The following SDK1 variants were observed in gnomAD, a reference collection of about 807,000 sequenced individuals.
SDK1 encodes the protein protein sidekick-1.
A neutral mutation model predicts 245.5 loss-of-function variants in SDK1; 157 were observed. The observed-to-expected ratio is 0.64, with a 90% CI of 0.56 to 0.73. The LOEUF is 0.73. Among genes scored for constraint, SDK1 ranks in the 30% least tolerant of loss-of-function variants. The pLI is 0.00. For synonymous variants in SDK1, 1,647 were observed against 1,278.5 expected, an observed-to-expected ratio of 1.29 and a Z score of -6.15; for missense variants, 3,583 against 3,002.3, an observed-to-expected ratio of 1.19 and a Z score of -4.52.
rs140866910 is a variant in SDK1 at position 4,125,766 on chromosome 7, T to G, written c.3824-1615T>G. 7.2e-5 allele frequency among the ~76,000 whole-genome samples: 11 copies of G among 152,310 alleles called. No homozygotes were observed. In the East Asian group the frequency reaches 2.1e-3, roughly 29 times the overall value. On this transcript the variant is annotated intron_variant, in intron 25 of 44. Coordinates refer to ENST00000404826, the MANE Select transcript of SDK1 (RefSeq NM_152744.4). ...TGGTCATAGCATCCTCCTTTCACTT[T>G]CTTCAAAACAACTAGCTATTGATCA...
At chr7:3,535,542 C>T (rs1466508672) in intron 1 of SDK1, among the ~76,000 whole-genome samples, 3 of 152,088 alleles carry the variant, frequency 2.0e-5, no homozygotes, top group Non-Finnish European at 4.4e-5. Flanking sequence ...CTTATGCAGG[C>T]TTCTTAACTT....
chr7:4,012,549 C>CTTTTTTTTTTTTTTTTTTTTT lies in SDK1; in HGVS notation c.2420+337_2420+357dup, dbSNP rs777199429. Among the ~76,000 whole-genome samples the CTTTTTTTTTTTTTTTTTTTTT allele has an allele frequency of 6.5e-4, 17 of 25,986 alleles. 6 individuals are homozygous for CTTTTTTTTTTTTTTTTTTTTT. The highest frequency in any genetic ancestry group is 1.9e-3 in the South Asian group (1 of 514). 17.0% of individuals were successfully genotyped at this position (25,986 alleles called of 152,430 possible). A position where few individuals can be genotyped will look rare whatever the true frequency, so the allele number is the denominator to read the frequency against. On this transcript the variant is annotated intron_variant, in intron 16 of 44. Transcript: ENST00000404826. ...GCAAGGTATATTGTTCAATGTGAAGCTTTTTTTTTTTTTTTTTTTTTTTTT... is the reference window on the plus strand; with the variant it reads ...GCAAGGTATATTGTTCAATGTGAAGCTTTTTTTTTTTTTTTTTTTTTTTTTTTTTTTTTTTTTTTTTTTTTT...
chr7:3,981,834 A>C (rs1041440014), intron 13 of SDK1, among the ~76,000 whole-genome samples: 9 of 152,364 alleles, frequency 5.9e-5, no homozygotes, highest in African/African-American at 2.2e-4. Flanking sequence ...CGTCCCCATA[A>C]CATAAAAGTA....
chr7:3,868,310 G>C (rs1360350236), intron 5 of SDK1, among the ~76,000 whole-genome samples: 2 of 152,158 alleles, frequency 1.3e-5, no homozygotes, highest in African/African-American at 4.8e-5. Flanking sequence ...TGAGCTGGGA[G>C]GATTTGTCTC....
chr7:3,834,661 T>C (rs1276912942), intron 5 of SDK1, among the ~76,000 whole-genome samples: 2 of 152,178 alleles, frequency 1.3e-5, no homozygotes, highest in African/African-American at 4.8e-5. Context: ...AGACTCTGCA[T>C]TTAATACAAC....
chr7:3,966,769 T>G (rs1272572576), intron 9 of SDK1, among the ~76,000 whole-genome samples: 1 of 152,132 alleles, frequency 6.6e-6, no homozygotes, highest in Non-Finnish European at 1.5e-5. Flanking sequence ...CACTGCAGCC[T>G]CAGCCTCCTG....
intron 1 of SDK1, among the ~76,000 whole-genome samples, chr7:3,527,882 G>C (rs1011402066): frequency 6.6e-6 from 1 of 150,462 alleles, no homozygotes; most frequent in African/African-American, 2.4e-5. Flanking sequence ...GTCAGCTAGA[G>C]AGTGAATGGT....
At chr7:3,318,233 A>G (rs1240073930) in intron 1 of SDK1, among the ~76,000 whole-genome samples, 1 of 152,208 alleles carries the variant, frequency 6.6e-6, no homozygotes, top group African/African-American at 2.4e-5. Flanking sequence ...ACACACAGAA[A>G]ATAAGCTTTA....
intron 1 of SDK1, among the ~76,000 whole-genome samples, chr7:3,491,968 T>C (rs1781875740): frequency 6.6e-6 from 1 of 152,180 alleles, no homozygotes; most frequent in Non-Finnish European, 1.5e-5. Flanking sequence ...TAAAACATCA[T>C]TTAAAATCGT....
Position 3,598,030 on chromosome 7 carries a change from T to A in SDK1, c.299-21050T>A, listed in dbSNP as rs146205563. Among the ~76,000 whole-genome samples, 3 of 152,358 alleles carry A rather than the reference T, an allele frequency of 2.0e-5. No homozygotes were observed. The East Asian group carries it at 5.8e-4, about 29-fold the overall frequency. ...TTGTAAAGCCTTTTTCTAAAGTGGTTGTACCATTTTTACATGTTCACCAGT... is the reference window on the plus strand; with the variant it reads ...TTGTAAAGCCTTTTTCTAAAGTGGTAGTACCATTTTTACATGTTCACCAGT... On this transcript the variant is annotated intron_variant, in intron 1 of 44. Transcript: ENST00000404826.
intron 1 of SDK1, among the ~76,000 whole-genome samples, chr7:3,589,592 C>G (rs1056135711): frequency 1.1e-4 from 17 of 152,154 alleles, no homozygotes; most frequent in African/African-American, 3.4e-4. Flanking sequence ...CTGGGGAGGC[C>G]TCACAATCAT....
At chr7:3,490,926 TTC>T (rs1366923578) in intron 1 of SDK1, among the ~76,000 whole-genome samples, 1 of 152,208 alleles carries the variant, frequency 6.6e-6, no homozygotes, top group Non-Finnish European at 1.5e-5. Flanking sequence ...GCAAACTAGT[TTC>T]TGTTAGGCAT....
chr7:3,526,448 T>C (rs1322264535), intron 1 of SDK1, among the ~76,000 whole-genome samples: 1 of 152,204 alleles, frequency 6.6e-6, no homozygotes, highest in Non-Finnish European at 1.5e-5. Flanking sequence ...TAGATTGGAA[T>C]TGTGTCAGCT....
intron 4 of SDK1, among the ~76,000 whole-genome samples, chr7:3,713,574 A>G (rs1235412406): frequency 6.6e-6 from 1 of 152,176 alleles, no homozygotes; most frequent in Admixed American, 6.5e-5. Context: ...AGACTTCAGT[A>G]TTTATACCTG....
intron 1 of SDK1, among the ~76,000 whole-genome samples, chr7:3,400,591 C>A (rs1368757782): frequency 1.3e-5 from 2 of 151,932 alleles, no homozygotes; most frequent in Non-Finnish European, 2.9e-5. Flanking sequence ...AAACATAAAA[C>A]TATAAAAAGT....
chr7:4,010,294 C>T (rs770307117), intron 14 of SDK1, among the ~76,000 whole-genome samples: 2 of 152,222 alleles, frequency 1.3e-5, no homozygotes, highest in Non-Finnish European at 2.9e-5. Flanking sequence ...AAAATCCACG[C>T]AAGGGTGTAG....
chr7:3,446,983 G>A (rs1234988051), intron 1 of SDK1, among the ~76,000 whole-genome samples: 1 of 152,114 alleles, frequency 6.6e-6, no homozygotes. Flanking sequence ...CTGGAGATAC[G>A]ATGAAGCAAT....
rs1265112679 is a variant in SDK1, at chr7:3,603,089, G to T, written c.299-15991G>T. On this transcript the variant is annotated intron_variant, in intron 1 of 44. Coordinates refer to ENST00000404826, the MANE Select transcript of SDK1 (RefSeq NM_152744.4). ...ATGCTGTTTTGGTTACTGTAGCCTTGTAGTATAGTTTGAAGTCAGGTAGCG... is the reference window on the plus strand; with the variant it reads ...ATGCTGTTTTGGTTACTGTAGCCTTTTAGTATAGTTTGAAGTCAGGTAGCG... 9.2e-5 allele frequency among the ~76,000 whole-genome samples: 14 copies of T among 151,636 alleles called. No individual in the cohort carries two copies. In the South Asian group the frequency reaches 1.7e-3, roughly 18 times the overall value.
chr7:3,401,563 C>G (rs1478888283), intron 1 of SDK1, among the ~76,000 whole-genome samples: 2 of 152,122 alleles, frequency 1.3e-5, no homozygotes, highest in East Asian at 3.9e-4. Flanking sequence ...CCAGGTGAGT[C>G]TTGAAGAGGC....
Sources: gnomAD v4.1 joint callset for allele counts (sites outside exome capture counted in the v4.1 genomes callset) on GRCh38, gnomAD v4.1.1 for gene constraint, MANE v1.5 for transcripts, NCBI Gene and HGNC (gene_info 2026-07-23, HGNC 2026-07-21) for gene names.